The following NEGR1 variants were observed in gnomAD, a reference collection of about 807,000 sequenced individuals.
NEGR1 encodes IgLON family member 4.
A neutral mutation model predicts 40.9 loss-of-function variants in NEGR1; 10 were observed. The ratio of observed to expected loss-of-function variants is 0.24; its 90% CI spans 0.15 to 0.42. The LOEUF is 0.42. NEGR1 is among the 10% of genes least tolerant of loss of function. NEGR1 has a pLI of 1.00. For missense variants in NEGR1, 352 were observed against 438.9 expected (o/e 0.80, Z 1.77); for synonymous variants, 185 against 166.8 (o/e 1.11, Z -0.84).
intron 4 of NEGR1, among the ~76,000 whole-genome samples, chr1:71,657,301 A>G (rs570484196): frequency 6.6e-6 from 1 of 152,312 alleles, no homozygotes; most frequent in African/African-American, 2.4e-5. Flanking sequence ...GTTGGAAAAA[A>G]GGCTCAAGAT....
At chr1:72,239,599 T>C (rs1434712547) in intron 1 of NEGR1, among the ~76,000 whole-genome samples, 1 of 151,732 alleles carries the variant, frequency 6.6e-6, no homozygotes, top group Admixed American at 6.6e-5. Flanking sequence ...CTACAAAATT[T>C]TCATTTCAAG....
At chr1:71,935,573 T>G (rs1019405032) in intron 1 of NEGR1, among the ~76,000 whole-genome samples, 1 of 151,926 alleles carries the variant, frequency 6.6e-6, no homozygotes, top group African/African-American at 2.4e-5. Flanking sequence ...GTGTTTCAAC[T>G]GAAAGTTAGT....
At chr1:71,649,028 T>C (rs1651622020) in intron 4 of NEGR1, among the ~76,000 whole-genome samples, 1 of 152,128 alleles carries the variant, frequency 6.6e-6, no homozygotes, top group African/African-American at 2.4e-5. Context: ...TTTTCTCATC[T>C]ACAATTTCTG....
At chr1:71,513,131 A>T (rs1356088054) in intron 6 of NEGR1, among the ~76,000 whole-genome samples, 1 of 151,960 alleles carries the variant, frequency 6.6e-6, no homozygotes, top group Non-Finnish European at 1.5e-5. Context: ...ATCTTACAGA[A>T]ATCAATTTTA....
chr1:72,052,255 T>C (rs974576443), intron 1 of NEGR1, among the ~76,000 whole-genome samples: 2 of 151,372 alleles, frequency 1.3e-5, no homozygotes, highest in Non-Finnish European at 3.0e-5. Flanking sequence ...AAAAATGCCT[T>C]TGGGCCCTGG....
chr1:71,964,736 A>C (rs913129657), intron 1 of NEGR1, among the ~76,000 whole-genome samples: 2 of 152,162 alleles, frequency 1.3e-5, no homozygotes, highest in Admixed American at 1.3e-4. Flanking sequence ...AATATCAATG[A>C]ACACATAGCT....
At chr1:71,712,262 G>C (rs1394864337) in intron 3 of NEGR1, among the ~76,000 whole-genome samples, 1 of 152,170 alleles carries the variant, frequency 6.6e-6, no homozygotes, top group Non-Finnish European at 1.5e-5. Context: ...TGGCAATGAG[G>C]ATGTGCATCA....
intron 1 of NEGR1, among the ~76,000 whole-genome samples, chr1:71,960,842 T>C (rs543228649): frequency 3.7e-4 from 56 of 152,300 alleles, no homozygotes; most frequent in Admixed American, 9.8e-4. Flanking sequence ...AAAATTATCT[T>C]TTATTAAAAT....
At chr1:71,505,822 A>G (rs1647030385) in intron 6 of NEGR1, among the ~76,000 whole-genome samples, 1 of 152,180 alleles carries the variant, frequency 6.6e-6, no homozygotes, top group Non-Finnish European at 1.5e-5. Context: ...ATGAATTCCA[A>G]CCTTCCAGGG....
intron 2 of NEGR1, among the ~76,000 whole-genome samples, chr1:71,845,294 G>C (rs1315797657): frequency 2.0e-5 from 3 of 151,900 alleles, no homozygotes; most frequent in Admixed American, 1.3e-4. Context: ...AGCATAAATA[G>C]TAACCAATTT....
At chr1:72,156,918 A>T (rs1488161537) in intron 1 of NEGR1, among the ~76,000 whole-genome samples, 1 of 150,774 alleles carries the variant, frequency 6.6e-6, no homozygotes, top group Non-Finnish European at 1.5e-5. Context: ...TATATTAATA[A>T]AACAGGGCTT....
chr1:71,639,824 G>T (rs1196891348), intron 4 of NEGR1, among the ~76,000 whole-genome samples: 1 of 152,066 alleles, frequency 6.6e-6, no homozygotes, highest in Non-Finnish European at 1.5e-5. Flanking sequence ...TACATTAGTA[G>T]AGGGGTGGAG....
chr1:71,491,443 T>C (rs1322487513), intron 6 of NEGR1, among the ~76,000 whole-genome samples: 1 of 152,034 alleles, frequency 6.6e-6, no homozygotes, highest in African/African-American at 2.4e-5. Flanking sequence ...AAGGAATATG[T>C]ATTTATTTGG....
Position 71,587,203 on chromosome 1 carries a change from C to T in NEGR1, c.940+5614G>A, listed in dbSNP as rs567084993. On this transcript the variant is annotated intron_variant, in intron 6 of 6. Transcript: ENST00000357731. ...ACAGTTGCTTACTGGCATGTGGGAA[C>T]ATCTGAAGCAAGCAGAGAGCTGAAA... Among the ~76,000 whole-genome samples, 3 of 152,212 alleles carry T rather than the reference C, an allele frequency of 2.0e-5. No individual in the cohort carries two copies. In the South Asian group the frequency reaches 6.2e-4, roughly 32 times the overall value.
At chr1:72,004,397 C>A (rs142094549) in intron 1 of NEGR1, among the ~76,000 whole-genome samples, 16 of 152,206 alleles carry the variant, frequency 1.1e-4, no homozygotes, top group African/African-American at 3.9e-4. Flanking sequence ...ACCCCTGCCT[C>A]CCGGGTTCAA....
intron 1 of NEGR1, among the ~76,000 whole-genome samples, chr1:72,157,759 A>T (rs1414149258): frequency 6.6e-6 from 1 of 152,154 alleles, no homozygotes; most frequent in Non-Finnish European, 1.5e-5. Flanking sequence ...TCATGTGAGG[A>T]CTGCGAGTCA....
chr1:71,571,536 T>A (rs934313206), intron 6 of NEGR1, among the ~76,000 whole-genome samples: 1 of 152,168 alleles, frequency 6.6e-6, no homozygotes, highest in Non-Finnish European at 1.5e-5. Flanking sequence ...ATGCCTGTAA[T>A]CCCAGCACTT....
intron 1 of NEGR1, among the ~76,000 whole-genome samples, chr1:72,272,743 C>T (rs1271871034): frequency 6.6e-6 from 1 of 151,976 alleles, no homozygotes; most frequent in African/African-American, 2.4e-5. Context: ...ACTCTATCAA[C>T]AGCATGAGCA....
intron 1 of NEGR1, among the ~76,000 whole-genome samples, chr1:71,988,646 GA>G (rs1185100701): frequency 2.0e-5 from 3 of 149,488 alleles, no homozygotes; most frequent in Non-Finnish European, 4.5e-5. Flanking sequence ...AGGAAGGAGG[GA>G]AAAAAACTGA....
Sources: gnomAD v4.1 joint callset for allele counts (sites outside exome capture counted in the v4.1 genomes callset) on GRCh38, gnomAD v4.1.1 for gene constraint, MANE v1.5 for transcripts, NCBI Gene and HGNC (gene_info 2026-07-23, HGNC 2026-07-21) for gene names.